Variants in TMC7 observed in about 807,000 individuals in gnomAD.
TMC7 encodes transmembrane channel-like protein 7.
Under a neutral mutation model 82.9 loss-of-function variants are expected in TMC7, and 54 were observed. The ratio of observed to expected loss-of-function variants is 0.65; its 90% CI spans 0.52 to 0.82. TMC7 has a LOEUF of 0.82. Ranked by LOEUF, TMC7 falls within the 40% of genes least tolerant of loss-of-function variation. The pLI is 0.00. For missense variants in TMC7, 820 were observed against 901.2 expected (o/e 0.91, Z 1.15); for synonymous variants, 350 against 337.9 (o/e 1.04, Z -0.39).
chr16:19,050,035 C>T (rs1005301580), intron 12 of TMC7, among the ~76,000 whole-genome samples: 3 of 152,052 alleles, frequency 2.0e-5, no homozygotes, highest in Non-Finnish European at 2.9e-5. Flanking sequence ...ATTGTAGATA[C>T]AGTTATACAT....
chr16:19,052,158 C>A (rs1961569047), intron 13 of TMC7, among the ~76,000 whole-genome samples: 1 of 152,110 alleles, frequency 6.6e-6, no homozygotes, highest in East Asian at 1.9e-4. Context: ...TCTCAAACTC[C>A]TGACCTCAGG....
At chr16:19,011,219 C>G (rs1959321410) in intron 2 of TMC7, among the ~76,000 whole-genome samples, 1 of 152,126 alleles carries the variant, frequency 6.6e-6, no homozygotes. Context: ...CAGCTAGTGC[C>G]AGAGAAGGGG....
intron 3 of TMC7, among the ~76,000 whole-genome samples, chr16:19,018,614 C>A (rs1304622334): frequency 6.6e-6 from 1 of 151,938 alleles, no homozygotes; most frequent in Non-Finnish European, 1.5e-5. Flanking sequence ...CAGTCCATAG[C>A]AAGTATGCAA....
At chr16:18,995,596 G>C (rs2039030070) in intron 1 of TMC7, among the ~76,000 whole-genome samples, 1 of 152,220 alleles carries the variant, frequency 6.6e-6, no homozygotes, top group Non-Finnish European at 1.5e-5. Context: ...CTTAGAGCAA[G>C]ATCCTGGGGG....
chr16:18,999,766 T>C (rs12921141), intron 1 of TMC7, among the ~76,000 whole-genome samples: 46,940 of 151,768 alleles, frequency 0.31, 7,490 homozygotes, highest in Non-Finnish European at 0.35. Context: ...TTTTTGTTTT[T>C]GTTTTTGTTT....
chr16:19,032,012 A>T (rs1596767681), intron 6 of TMC7, among the ~76,000 whole-genome samples: 1 of 152,212 alleles, frequency 6.6e-6, no homozygotes, highest in East Asian at 1.9e-4. Flanking sequence ...CTATTTACCC[A>T]GCAGTGACAC....
intron 13 of TMC7, among the ~76,000 whole-genome samples, chr16:19,054,740 CTTTTTTTTT>C (rs71143826): frequency 1.6e-5 from 1 of 63,130 alleles, no homozygotes; most frequent in Non-Finnish European, 2.9e-5. Context: ...ATGGGATTTG[CTTTTTTTTT>C]TTTTTTTTTT....
chr16:19,016,173 C>T (rs11074351), intron 2 of TMC7, among the ~76,000 whole-genome samples: 79,355 of 151,752 alleles, frequency 0.52, 23,395 homozygotes, highest in East Asian at 0.8. Context: ...CTCGGCTCAC[C>T]GCAACCTCCG....
At chr16:19,046,435 T>C (rs1040846312) in intron 11 of TMC7, among the ~76,000 whole-genome samples, 14 of 152,248 alleles carry the variant, frequency 9.2e-5, no homozygotes, top group African/African-American at 4.8e-5. Context: ...ATGATTATCA[T>C]AAACTGTGTT....
At chr16:19,032,660 C>G (rs1567518998) in intron 6 of TMC7, among the ~76,000 whole-genome samples, 1 of 151,872 alleles carries the variant, frequency 6.6e-6, no homozygotes. Context: ...ACGAGTCTTG[C>G]TCTGTCACCT....
At position 19,029,058 on chromosome 16, in the gene TMC7, T is replaced by C. The variant is rs183401915; in HGVS notation, c.712-1166T>C. Among the ~76,000 whole-genome samples, 36 of 151,970 alleles carry C rather than the reference T, an allele frequency of 2.4e-4. No individual in the cohort carries two copies. In the East Asian group the frequency reaches 7.0e-3, roughly 29 times the overall value. ...TCTTGCTCTGTCACCCAGGCTGGAG[T>C]GCAGTGGCACAATCTCGGCTCACTG... is the stretch of plus-strand genomic sequence containing the variant. On this transcript the variant is annotated intron_variant, in intron 5 of 15. Transcript: ENST00000304381.
intron 7 of TMC7, among the ~76,000 whole-genome samples, chr16:19,037,095 C>T (rs1960781785): frequency 6.6e-6 from 1 of 152,032 alleles, no homozygotes; most frequent in South Asian, 2.1e-4. Context: ...CTTTAGTAGA[C>T]ATAAAAAATA....
intron 9 of TMC7, among the ~76,000 whole-genome samples, chr16:19,043,939 G>A (rs958170953): frequency 1.3e-5 from 2 of 149,416 alleles, no homozygotes; most frequent in Non-Finnish European, 3.0e-5. Context: ...GTGTGATCTC[G>A]GCTCACTGCA....
At chr16:19,029,693 T>C (rs1424120530) in intron 5 of TMC7, among the ~76,000 whole-genome samples, 1 of 150,758 alleles carries the variant, frequency 6.6e-6, no homozygotes, top group Non-Finnish European at 1.5e-5. Flanking sequence ...ATTTTTTTTT[T>C]TTTTTGAGAT....
At chr16:19,043,254 A>G (rs1961104440) in intron 9 of TMC7, among the ~76,000 whole-genome samples, 5 of 152,062 alleles carry the variant, frequency 3.3e-5, no homozygotes, top group East Asian at 3.9e-4. Context: ...ACTTTTTTTC[A>G]CTTTTCAGCA....
At chr16:19,013,340 T>A (rs1282972818) in intron 2 of TMC7, among the ~76,000 whole-genome samples, 2 of 151,780 alleles carry the variant, frequency 1.3e-5, no homozygotes, top group Non-Finnish European at 2.9e-5. Context: ...TGCCTCAGCC[T>A]CCCTAGTAGC....
intron 4 of TMC7, among the ~76,000 whole-genome samples, chr16:19,022,138 C>T (rs554795117): frequency 3.7e-4 from 56 of 152,258 alleles, no homozygotes; most frequent in Non-Finnish European, 2.9e-5. Context: ...AAGCAAAACA[C>T]AAGCTCTACA....
intron 1 of TMC7, among the ~76,000 whole-genome samples, chr16:19,006,840 A>G (rs1322367207): frequency 6.6e-6 from 1 of 151,918 alleles, no homozygotes; most frequent in South Asian, 2.1e-4. Context: ...TTTTTGAGAC[A>G]AAGTCTTGCT....
intron 11 of TMC7, among the ~76,000 whole-genome samples, chr16:19,045,725 T>A (rs188596644): frequency 2.7e-4 from 40 of 150,068 alleles, no homozygotes; most frequent in Non-Finnish European, 3.0e-4. Context: ...GCCTCCCGAG[T>A]AGCTGGGACT....
Sources: allele counts gnomAD v4.1 joint callset (sites outside exome capture counted in the v4.1 genomes callset), GRCh38; gene constraint gnomAD v4.1.1; transcripts MANE v1.5; gene names NCBI Gene and HGNC (gene_info 2026-07-23, HGNC 2026-07-21).